XAB2: variants seen among roughly 807,000 people sequenced by gnomAD.
The protein encoded by XAB2 is XPA binding protein 2.
Under a neutral mutation model 113.4 loss-of-function variants are expected in XAB2, and 57 were observed. The ratio of observed to expected loss-of-function variants is 0.50; its 90% CI spans 0.41 to 0.63. XAB2 has a LOEUF of 0.63. Ranked by LOEUF, XAB2 falls within the 20% of genes least tolerant of loss-of-function variation. XAB2 has a pLI of 0.00. For synonymous variants in XAB2, 497 were observed against 498.8 expected (o/e 1.00, Z 0.05); for missense variants, 1,037 against 1,233.3 (o/e 0.84, Z 2.38).
At position 7,628,399 on chromosome 19, in the gene XAB2, C is replaced by T. The variant is rs2031188377; in HGVS notation, c.52-101G>A. On this transcript the variant is annotated intron_variant, in intron 1 of 18. Transcript: ENST00000358368. The surrounding 1 kb of genome is among the most constrained non-coding windows in gnomAD (Gnocchi z 4.6). Reference sequence around the variant, plus strand: ...CTCAGGTCCAAACTCCGGACTTTTACCTAGATCCCACCACCCACCAAGGAA... The same window carrying T: ...CTCAGGTCCAAACTCCGGACTTTTATCTAGATCCCACCACCCACCAAGGAA... 4.1e-6 allele frequency: 6 copies of T among 1,459,796 alleles called. No individual in the cohort carries two copies. The highest frequency in any genetic ancestry group is 5.6e-6 in the Non-Finnish European group (6 of 1,071,552). The allele number at this position is 1,459,796 out of a possible 1,614,324, so 90.4% of individuals were successfully genotyped here.
rs1568454377 is a variant in XAB2, at chr19:7,623,814, T to A, written c.1036A>T (p.Asn346Tyr). ...GGGTTTTGGCGCAGCAAGACGCTGT[T>A]GAGGAGCAGGGGCCGCCGGCTGATG... ...QLISRRPLLL[N>Y]SVLLRQNPHH... The change falls in exon 8 of 19, where the codon AAC becomes TAC. Residue 346 changes from asparagine to tyrosine, a missense_variant. Asn to Tyr is a moderately radical substitution (Grantham distance 143). Transcript: ENST00000358368. This position sits in a 1 kb window ranked among gnomAD's most constrained non-coding sequence, Gnocchi z 4.6. 6.8e-6 allele frequency: 11 copies of A among 1,611,868 alleles called. No homozygotes were observed. The highest frequency in any genetic ancestry group is 9.3e-6 in the Non-Finnish European group (11 of 1,179,556).
In XAB2 at chr19:7,621,379, T is replaced by C; in HGVS notation, c.1618-82A>G. ...CCGGGATGTCCTTGGGTGGCGTCTGTAGGGAGCCTGCCAGGAACTCCCTTG... is the reference window on the plus strand; with the variant it reads ...CCGGGATGTCCTTGGGTGGCGTCTGCAGGGAGCCTGCCAGGAACTCCCTTG... On this transcript the variant is annotated intron_variant, in intron 12 of 18. Coordinates refer to ENST00000358368, the MANE Select transcript of XAB2 (RefSeq NM_020196.3). 3.9e-6 allele frequency: 6 copies of C among 1,533,110 alleles called. No individual in the cohort carries two copies. The South Asian group carries it at 7.2e-5, about 18-fold the overall frequency. The allele number at this position is 1,533,110 out of a possible 1,614,324, so 95.0% of individuals were successfully genotyped here. A position where few individuals can be genotyped will look rare whatever the true frequency, so the allele number is the denominator to read the frequency against.
In XAB2 at chr19:7,627,709, C is replaced by T; in HGVS notation, c.324+19G>A. ...ACTGAGCTCCACTTCCCGATTCATC[C>T]CCTCGCCGAGCCCCAAACCTTGTGC... On this transcript the variant is annotated intron_variant, in intron 3 of 18. Coordinates refer to ENST00000358368, the MANE Select transcript of XAB2 (RefSeq NM_020196.3). This position sits in a 1 kb window ranked among gnomAD's most constrained non-coding sequence, Gnocchi z 4.5. The T allele has an allele frequency of 1.9e-6, 3 of 1,613,260 alleles. No individual in the cohort carries two copies. Among genetic ancestry groups the T allele is most frequent in the East Asian group, 4.5e-5 (2 of 44,868 alleles).
chr19:7,624,568 C>A lies in XAB2; in HGVS notation c.823-123G>T, dbSNP rs1484576085. ...CTTCTGGGTAGTGACGCATCCAGCA[C>A]CTCTGGGTAGTGACCCCAGGACAGA... On this transcript the variant is annotated intron_variant, in intron 6 of 18. Transcript: ENST00000358368. The surrounding 1 kb of genome is among the most constrained non-coding windows in gnomAD (Gnocchi z 4.2). 7.0e-6 allele frequency: 10 copies of A among 1,429,618 alleles called. No individual in the cohort carries two copies. Among genetic ancestry groups the A allele is most frequent in the Non-Finnish European group, 6.7e-6 (7 of 1,051,740 alleles). 88.6% of individuals were successfully genotyped at this position (1,429,618 alleles called of 1,614,324 possible). A position where few individuals can be genotyped will look rare whatever the true frequency, so the allele number is the denominator to read the frequency against.
chr19:7,627,431 G>A lies in XAB2; in HGVS notation c.334C>T (p.Leu112=), dbSNP rs761102514. Residue 112 remains leucine (L), a synonymous_variant, in exon 4 of 19, where the codon CTG becomes TTG. Transcript: ENST00000358368. The surrounding 1 kb of genome is among the most constrained non-coding windows in gnomAD (Gnocchi z 4.5). ...AFVFMHKMPR[L]WLDYCQFLMD... is the part of the protein sequence containing the mutation. Reference sequence around the variant, plus strand: ...AGGAACTGGCAGTAATCTAGCCACAGACGAGGCATCTGGGGGTGTGGGGAG... The same window carrying A: ...AGGAACTGGCAGTAATCTAGCCACAAACGAGGCATCTGGGGGTGTGGGGAG... 6.9e-5 allele frequency: 111 copies of A among 1,604,738 alleles called. No individual in the cohort carries two copies. The highest frequency in any genetic ancestry group is 5.8e-4 in the Admixed American group (34 of 58,546).
intron 12 of XAB2, 32 bp downstream of exon 12, chr19:7,622,299 C>T: frequency 6.2e-7 from 1 of 1,607,436 alleles, no homozygotes; most frequent in Non-Finnish European, 8.5e-7. Context: ...ACACTGCCAT[C>T]AGGGGCCTCT....
Position 7,627,687 on chromosome 19 carries a change from G to A in XAB2, c.324+41C>T, listed in dbSNP as rs1203254282. The A allele has an allele frequency of 1.2e-6, 2 of 1,606,778 alleles. No homozygotes were observed. The highest frequency in any genetic ancestry group is 1.7e-6 in the Non-Finnish European group (2 of 1,175,208). On this transcript the variant is annotated intron_variant, in intron 3 of 18. Coordinates refer to ENST00000358368, the MANE Select transcript of XAB2 (RefSeq NM_020196.3). The surrounding 1 kb of genome is among the most constrained non-coding windows in gnomAD (Gnocchi z 4.5). ...CCCGCCCCACCCACCACCATGGACT[G>A]AGCTCCACTTCCCGATTCATCCCCT...
chr19:7,628,110 G>A lies in XAB2; in HGVS notation c.200+40C>T, dbSNP rs1346147422. 1 of 1,592,192 alleles carries A rather than the reference G, an allele frequency of 6.3e-7. No individual in the cohort carries two copies. Among genetic ancestry groups the A allele is most frequent in the Admixed American group, 1.8e-5 (1 of 55,738 alleles). ...GTTTTGTTATAACTGGACCAGGTGG[G>A]GTGGGGGCTGGTGGGCAGGGCAGCT... On this transcript the variant is annotated intron_variant, in intron 2 of 18. Coordinates refer to ENST00000358368, the MANE Select transcript of XAB2 (RefSeq NM_020196.3). This position sits in a 1 kb window ranked among gnomAD's most constrained non-coding sequence, Gnocchi z 4.6.
intron 12 of XAB2, chr19:7,621,585 G>A (rs1413269284): frequency 1.8e-5 from 8 of 452,472 alleles, no homozygotes; most frequent in Non-Finnish European, 2.4e-5. Flanking sequence ...CTCCGCTGAC[G>A]CTGGCTGCCT....
At position 7,624,820 on chromosome 19, in the gene XAB2, G is replaced by C. The variant is rs935628944; in HGVS notation, c.823-375C>G. Among the ~76,000 whole-genome samples the C allele has an allele frequency of 6.6e-6, 1 of 152,156 alleles. No individual in the cohort carries two copies. The highest frequency in any genetic ancestry group is 2.4e-5 in the African/African-American group (1 of 41,436). ...CCCTCGCCTCAGCTCATCCTCCGAG[G>C]CCTCAGAATTTGCTCCAAAGCGTCC... On this transcript the variant is annotated intron_variant, in intron 6 of 18. Transcript: ENST00000358368. The surrounding 1 kb of genome is among the most constrained non-coding windows in gnomAD (Gnocchi z 4.2).
rs769479629 is a variant in XAB2 at position 7,622,533 on chromosome 19, G to A, written c.1500C>T (p.Phe500=). ...LADLEESLGT[F]QSTKAVYDRI... ...TCCCCAGCCACAGGCAGCTCACCTG[G>A]AAGGTGCCGAGGCTCTCCTCCAGGT... The change falls in exon 11 of 19, where the codon TTC becomes TTT. Residue 500 remains phenylalanine, a synonymous_variant. Coordinates refer to ENST00000358368, the MANE Select transcript of XAB2 (RefSeq NM_020196.3). The A allele has an allele frequency of 6.2e-7, 1 of 1,613,866 alleles. No individual in the cohort carries two copies. Among genetic ancestry groups the A allele is most frequent in the Non-Finnish European group, 8.5e-7 (1 of 1,180,030 alleles).
At position 7,627,124 on chromosome 19, in the gene XAB2, A is replaced by C; in HGVS notation, c.522+119T>G. 2 of 1,153,748 alleles carry C rather than the reference A, an allele frequency of 1.7e-6. No homozygotes were observed. Among genetic ancestry groups the C allele is most frequent in the Non-Finnish European group, 2.5e-6 (2 of 809,594 alleles). The allele number at this position is 1,153,748 out of a possible 1,614,324, so 71.5% of individuals were successfully genotyped here. On this transcript the variant is annotated intron_variant, in intron 4 of 18. Coordinates refer to ENST00000358368, the MANE Select transcript of XAB2 (RefSeq NM_020196.3). The surrounding 1 kb of genome is among the most constrained non-coding windows in gnomAD (Gnocchi z 4.5). ...TCACGGACAACAACAAAACACATGC[A>C]TCTCCAGGAGCCTCTTCCCACATCC...
Position 7,620,958 on chromosome 19 carries a change from G to A in XAB2, c.1859C>T (p.Thr620Ile). Reference protein sequence around the residue: ...RHAMAVYERATRAVEPAQQYD... With the variant: ...RHAMAVYERAIRAVEPAQQYD... ...CTGCTGGGCGGGCTCCACGGCCCTG[G>A]TGGCACGCTCGTACACGGCCATGGC... The change falls in exon 14 of 19, where the codon ACC (threonine) becomes ATC (isoleucine). Residue 620 changes from threonine to isoleucine, a missense_variant. Coordinates refer to ENST00000358368, the MANE Select transcript of XAB2 (RefSeq NM_020196.3). 2 of 1,583,008 alleles carry A rather than the reference G, an allele frequency of 1.3e-6. No individual in the cohort carries two copies. Among genetic ancestry groups the A allele is most frequent in the Non-Finnish European group, 1.7e-6 (2 of 1,166,098 alleles).
intron 4 of XAB2, among the ~76,000 whole-genome samples, chr19:7,626,774 C>T (rs2031148570): frequency 6.6e-6 from 1 of 152,188 alleles, no homozygotes; most frequent in Non-Finnish European, 1.5e-5. Flanking sequence ...CCCCACGGGT[C>T]CAGCCTCAGT....
At position 7,628,078 on chromosome 19, in the gene XAB2, C is replaced by A; in HGVS notation, c.200+72G>T. The A allele has an allele frequency of 6.4e-7, 1 of 1,555,514 alleles. No homozygotes were observed. The highest frequency in any genetic ancestry group is 8.7e-7 in the Non-Finnish European group (1 of 1,148,990). ...GCAATCACCCGGGACCCGGGACCCA[C>A]TTGGCAGTTTTGTTATAACTGGACC... On this transcript the variant is annotated intron_variant, in intron 2 of 18. Coordinates refer to ENST00000358368, the MANE Select transcript of XAB2 (RefSeq NM_020196.3). This position sits in a 1 kb window ranked among gnomAD's most constrained non-coding sequence, Gnocchi z 4.6.
chr19:7,627,310 T>A lies in XAB2; in HGVS notation c.455A>T (p.Tyr152Phe). ...ITQHSRIWPL[Y>F]LRFLRSHPLP... The stretch of plus-strand genomic sequence containing the variant: ...TGGGTGTGAGCGCAGGAAGCGCAGA[T>A]ACAGGGGCCAAATTCGAGAGTGCTG... The change falls in exon 4 of 19, where the codon TAT (tyrosine) becomes TTT (phenylalanine). Residue 152 changes from tyrosine to phenylalanine, a missense_variant. Physicochemically the swap from Tyr to Phe is conservative, Grantham distance 22. Coordinates refer to ENST00000358368, the MANE Select transcript of XAB2 (RefSeq NM_020196.3). This position sits in a 1 kb window ranked among gnomAD's most constrained non-coding sequence, Gnocchi z 4.5. 6.2e-7 allele frequency: 1 copy of A among 1,613,818 alleles called. No homozygotes were observed. The highest frequency in any genetic ancestry group is 1.3e-5 in the African/African-American group (1 of 75,072).
intron 4 of XAB2, 90 bp from the exon 5 acceptor site, chr19:7,626,360 C>A: frequency 1.3e-6 from 2 of 1,537,076 alleles, no homozygotes; most frequent in Non-Finnish European, 1.8e-6. Flanking sequence ...TCCCCCCCCA[C>A]CCATTTATGA....
chr19:7,623,041 T>G lies in XAB2; in HGVS notation c.1239+129A>C. The G allele has an allele frequency of 1.9e-6, 3 of 1,540,054 alleles. No homozygotes were observed. Among genetic ancestry groups the G allele is most frequent in the Non-Finnish European group, 1.8e-6 (2 of 1,142,446 alleles). ...GCACACACATGCGTGCACATATGCA[T>G]GCACCCAAATGCACATGCACACACA... On this transcript the variant is annotated intron_variant, in intron 9 of 18. Coordinates refer to ENST00000358368, the MANE Select transcript of XAB2 (RefSeq NM_020196.3). The surrounding 1 kb of genome is among the most constrained non-coding windows in gnomAD (Gnocchi z 4.6).
intron 1 of XAB2, 108 bp downstream of exon 1, chr19:7,629,369 C>T: frequency 1.5e-6 from 2 of 1,367,288 alleles, no homozygotes; most frequent in Non-Finnish European, 2.0e-6. Context: ...CAGACCTTGG[C>T]CTGGCAGTTT....
Sources: allele counts gnomAD v4.1 joint callset (sites outside exome capture counted in the v4.1 genomes callset), GRCh38; gene constraint gnomAD v4.1.1; non-coding constraint Gnocchi (gnomAD v3.1); transcripts MANE v1.5; gene names NCBI Gene and HGNC (gene_info 2026-07-23, HGNC 2026-07-21).